The following DIXDC1 variants were observed in gnomAD, a reference collection of about 807,000 sequenced individuals.
The protein encoded by DIXDC1 is dixin.
Under a neutral mutation model 103.1 loss-of-function variants are expected in DIXDC1, and 64 were observed. That is an observed-to-expected ratio of 0.62 (90% CI 0.51 to 0.76). The LOEUF (loss-of-function observed/expected upper bound fraction) is 0.76. DIXDC1 is among the 30% of genes least tolerant of loss of function. The pLI, the probability that DIXDC1 is intolerant of heterozygous loss-of-function variation, is 0.00. For missense variants in DIXDC1, 759 were observed against 834.2 expected, an observed-to-expected ratio of 0.91 and a Z score of 1.11; for synonymous variants, 266 against 298.5, an observed-to-expected ratio of 0.89 and a Z score of 1.12.
Position 112,017,754 on chromosome 11 carries a change from A to C in DIXDC1, c.1863-23A>C. 1 of 1,574,508 alleles carries C rather than the reference A, an allele frequency of 6.4e-7. No individual in the cohort carries two copies. The highest frequency in any genetic ancestry group is 8.7e-7 in the Non-Finnish European group (1 of 1,151,846). On this transcript the variant is annotated intron_variant, in intron 18 of 19. Coordinates refer to ENST00000440460, the MANE Select transcript of DIXDC1 (RefSeq NM_001037954.4). This position sits in a 1 kb window ranked among gnomAD's most constrained non-coding sequence, Gnocchi z 4.0. ...CAGCTATTGATCAACAGTCTATTTT[A>C]GTGCTCTCTCCTTGTGTTGCAGGTT...
chr11:111,979,040 C>T (rs1860213135), intron 5 of DIXDC1, among the ~76,000 whole-genome samples: 2 of 152,250 alleles, frequency 1.3e-5, no homozygotes, highest in Admixed American at 1.3e-4. Context: ...CTTCTTGCCA[C>T]TCCCTACCCC....
At chr11:111,932,864 AT>A (rs201290271), upstream of DIXDC1, among the ~76,000 whole-genome samples, 3,784 of 152,182 alleles carry the variant, frequency 0.025, 163 homozygotes, top group African/African-American at 0.086. Context: ...TTATGTGTAT[AT>A]TTATGTGTAA....
At chr11:111,981,089 G>T (rs1860289948) in intron 6 of DIXDC1, among the ~76,000 whole-genome samples, 1 of 152,120 alleles carries the variant, frequency 6.6e-6, no homozygotes, top group African/African-American at 2.4e-5. Context: ...CCCTTTCTCA[G>T]CTGGCTGCCT....
At chr11:111,988,546 G>A (rs1860579169) in intron 9 of DIXDC1, among the ~76,000 whole-genome samples, 1 of 152,020 alleles carries the variant, frequency 6.6e-6, no homozygotes. Flanking sequence ...GGCCCACAAA[G>A]AACAATACCC....
rs1290967391 is a variant in DIXDC1 at position 112,020,344 on chromosome 11, T to C, written c.*1308T>C. On this transcript the variant is annotated 3_prime_UTR_variant, in exon 20 of 20. Transcript: ENST00000440460. ...CAAACACAAGAGTAGGACACATCTG[T>C]TCTGGGTTCTTGACCTATCTGTCTC... 6.5e-6 allele frequency: 1 copy of C among 152,696 alleles called. No homozygotes were observed. Among genetic ancestry groups the C allele is most frequent in the African/African-American group, 2.4e-5 (1 of 41,466 alleles). The allele number at this position is 152,696 out of a possible 1,614,324, so 9.5% of individuals were successfully genotyped here.
At chr11:111,957,112 C>G (rs933382290) in intron 1 of DIXDC1, among the ~76,000 whole-genome samples, 1 of 152,130 alleles carries the variant, frequency 6.6e-6, no homozygotes, top group African/African-American at 2.4e-5. Flanking sequence ...AGTTAAAGCA[C>G]AGTGAGCTGT....
intron 1 of DIXDC1, among the ~76,000 whole-genome samples, chr11:111,954,083 T>C (rs1294692142): frequency 2.6e-5 from 4 of 152,184 alleles, no homozygotes; most frequent in African/African-American, 7.2e-5. Flanking sequence ...TCACACACAT[T>C]ACATTTATTG....
In DIXDC1 at chr11:111,937,708, G is replaced by A. The variant is rs1027162015; in HGVS notation, c.60+149G>A. On this transcript the variant is annotated intron_variant, in intron 1 of 19. Transcript: ENST00000440460. The stretch of plus-strand genomic sequence containing the variant: ...CCAAAGGGGCTAAGGTGGTACTTAC[G>A]GTGCAGATGGGTGAACCAGGAGAAA... 13 of 707,750 alleles carry A rather than the reference G, an allele frequency of 1.8e-5. No homozygotes were observed. In the African/African-American group the frequency reaches 2.0e-4, roughly 11 times the overall value. 43.8% of individuals were successfully genotyped at this position (707,750 alleles called of 1,614,324 possible). A position where few individuals can be genotyped will look rare whatever the true frequency, so the allele number is the denominator to read the frequency against.
At chr11:111,932,083 T>G (rs1401610329) in intron 2 of DIXDC1, among the ~76,000 whole-genome samples, 3 of 141,208 alleles carry the variant, frequency 2.1e-5, no homozygotes, top group Non-Finnish European at 4.5e-5. Flanking sequence ...CAGGCTGGAG[T>G]GCAGTGGCAC....
At chr11:111,997,238 T>C (rs1410334777) in intron 17 of DIXDC1, among the ~76,000 whole-genome samples, 1 of 152,156 alleles carries the variant, frequency 6.6e-6, no homozygotes, top group Non-Finnish European at 1.5e-5. Flanking sequence ...AAATGTAAAA[T>C]TTTTTTGTGG....
chr11:111,974,784 C>CTCATG, intron 4 of DIXDC1, 92 bp from the exon 5 acceptor site: 1 of 1,544,568 alleles, frequency 6.5e-7, no homozygotes, highest in Non-Finnish European at 8.7e-7. Flanking sequence ...TGTGTGTATA[C>CTCATG]TGCTCGCAGA....
intron 17 of DIXDC1, among the ~76,000 whole-genome samples, chr11:112,011,679 C>T (rs890972114): frequency 3.3e-5 from 5 of 152,150 alleles, no homozygotes; most frequent in African/African-American, 9.7e-5. Flanking sequence ...TGGAGTTCAT[C>T]ATTCTCAGCA....
At chr11:112,004,257 C>T (rs1300779770) in intron 17 of DIXDC1, among the ~76,000 whole-genome samples, 1 of 151,996 alleles carries the variant, frequency 6.6e-6, no homozygotes, top group Non-Finnish European at 1.5e-5. Flanking sequence ...AAGAAACCCT[C>T]CCTCCCTCCT....
intron 5 of DIXDC1, chr11:111,975,813 A>G (rs1159326135): frequency 2.0e-6 from 2 of 985,124 alleles, no homozygotes; most frequent in Non-Finnish European, 1.2e-6. Flanking sequence ...TTTTCTCATA[A>G]AACTCCATCC....
chr11:111,940,074 C>G (rs587746717), intron 1 of DIXDC1, among the ~76,000 whole-genome samples: 1 of 152,340 alleles, frequency 6.6e-6, no homozygotes, highest in Admixed American at 6.5e-5. Flanking sequence ...GGGAATGGAG[C>G]TTTGGCCTTA....
chr11:111,974,743 T>A (rs1415279544), intron 4 of DIXDC1, 133 bp from the exon 5 acceptor site: 1 of 1,459,342 alleles, frequency 6.9e-7, no homozygotes, highest in Admixed American at 2.4e-5. Flanking sequence ...AGGTACCAAG[T>A]GTCTTTGAGG....
intron 6 of DIXDC1, among the ~76,000 whole-genome samples, chr11:111,982,013 C>G (rs781906101): frequency 6.6e-6 from 1 of 152,150 alleles, no homozygotes; most frequent in Non-Finnish European, 1.5e-5. Context: ...TTGTACCTGG[C>G]AAAGTCAGGC....
Position 111,995,493 on chromosome 11 carries a change from T to G in DIXDC1, c.1618T>G (p.Leu540Val), listed in dbSNP as rs1555175266. 2 of 1,613,974 alleles carry G rather than the reference T, an allele frequency of 1.2e-6. No homozygotes were observed. Among genetic ancestry groups the G allele is most frequent in the Non-Finnish European group, 1.7e-6 (2 of 1,179,900 alleles). ...HDPQHHTIDS[L>V]EQGISSLMER... ...TCCTCAGCACCACACTATTGACAGC[T>G]TGGAGCAGGGCATTTCTAGCCTCAT... The change falls in exon 16 of 20, where the codon TTG becomes GTG. Residue 540 changes from leucine to valine, a missense_variant. Leu to Val is a conservative substitution (Grantham distance 32). Transcript: ENST00000440460.
At chr11:112,007,106 C>T (rs1410620715) in intron 17 of DIXDC1, among the ~76,000 whole-genome samples, 3 of 152,094 alleles carry the variant, frequency 2.0e-5, no homozygotes, top group African/African-American at 7.2e-5. Flanking sequence ...GTAGAGAAGA[C>T]CTTAAATGAC....
Sources: gnomAD v4.1 joint callset for allele counts (sites outside exome capture counted in the v4.1 genomes callset) on GRCh38, gnomAD v4.1.1 for gene constraint, Gnocchi (gnomAD v3.1) non-coding constraint, MANE v1.5 for transcripts, NCBI Gene and HGNC (gene_info 2026-07-23, HGNC 2026-07-21) for gene names.